RPS6KC1: variants seen among roughly 807,000 people sequenced by gnomAD.
The protein encoded by RPS6KC1 is ribosomal protein S6 kinase C1.
Under a neutral mutation model 103.8 loss-of-function variants are expected in RPS6KC1, and 54 were observed. The observed-to-expected ratio is 0.52, with a 90% confidence interval of 0.42 to 0.65. The LOEUF (loss-of-function observed/expected upper bound fraction) is 0.65. Ranked by LOEUF, RPS6KC1 falls within the 30% of genes least tolerant of loss-of-function variation. The pLI, the probability that RPS6KC1 is intolerant of heterozygous loss-of-function variation, is 0.00. For synonymous variants in RPS6KC1, 439 were observed against 438.7 expected (o/e 1.00, Z -0.01); for missense variants, 1,151 against 1,253.8 (o/e 0.92, Z 1.24).
At chr1:213,411,742 G>A in the RPS6KC1 span, among the ~76,000 whole-genome samples, 15 of 152,148 alleles carry the variant, frequency 9.9e-5, no homozygotes, top group Admixed American at 2.0e-4. Context: ...TCCTGGGGGC[G>A]CTGGGTAATT....
At chr1:213,597,062 T>G in the RPS6KC1 span, among the ~76,000 whole-genome samples, 16 of 152,324 alleles carry the variant, frequency 1.1e-4, no homozygotes, top group Middle Eastern at 0.01. Flanking sequence ...CCAAGGAGGA[T>G]GGCATACATA....
the RPS6KC1 span, among the ~76,000 whole-genome samples, chr1:213,357,442 G>GA: frequency 6.6e-6 from 1 of 152,190 alleles, no homozygotes; most frequent in African/African-American, 2.4e-5. Context: ...ATTGGAGCTG[G>GA]CTTCTGTGGA....
At chr1:213,511,504 G>T in the RPS6KC1 span, among the ~76,000 whole-genome samples, 1 of 152,320 alleles carries the variant, frequency 6.6e-6, no homozygotes, top group South Asian at 2.1e-4. Flanking sequence ...GTGGGGAGAT[G>T]CTAATGTAGG....
intron 12 of RPS6KC1, among the ~76,000 whole-genome samples, chr1:213,250,559 T>G (rs1232931027): frequency 6.6e-6 from 1 of 152,210 alleles, no homozygotes; most frequent in East Asian, 1.9e-4. Context: ...TAGTCTATCA[T>G]GTAAGAATGA....
the RPS6KC1 span, among the ~76,000 whole-genome samples, chr1:213,765,570 G>T: frequency 2.6e-5 from 4 of 152,166 alleles, no homozygotes; most frequent in Non-Finnish European, 4.4e-5. Context: ...CTGGCCCCCA[G>T]TACAGCTCTG....
chr1:213,400,711 C>CT, the RPS6KC1 span, among the ~76,000 whole-genome samples: 3,256 of 145,528 alleles, frequency 0.022, 109 homozygotes, highest in African/African-American at 0.075. Flanking sequence ...TTCTTTCTCT[C>CT]TTTTTTTTTT....
intron 11 of RPS6KC1, 60 bp from the exon 12 acceptor site, chr1:213,242,509 C>G: frequency 7.4e-7 from 1 of 1,356,994 alleles, no homozygotes; most frequent in Non-Finnish European, 1.0e-6. Context: ...AATTACAGTT[C>G]ACTTCTGCAG....
chr1:213,266,074 C>T (rs983296191), intron 14 of RPS6KC1, among the ~76,000 whole-genome samples: 10 of 152,084 alleles, frequency 6.6e-5, no homozygotes, highest in Admixed American at 4.6e-4. Flanking sequence ...TGATAAGTGT[C>T]GTGTATATCT....
the RPS6KC1 span, among the ~76,000 whole-genome samples, chr1:213,323,207 A>G: frequency 2.0e-5 from 3 of 150,888 alleles, no homozygotes; most frequent in Non-Finnish European, 4.4e-5. Flanking sequence ...TACTAGACCC[A>G]CCCCATAATC....
At chr1:213,526,065 T>C in the RPS6KC1 span, among the ~76,000 whole-genome samples, 1 of 152,000 alleles carries the variant, frequency 6.6e-6, no homozygotes, top group Non-Finnish European at 1.5e-5. Flanking sequence ...CTGGCAAAAA[T>C]AGTCCAGTAG....
chr1:213,615,497 A>C, the RPS6KC1 span, among the ~76,000 whole-genome samples: 1 of 152,260 alleles, frequency 6.6e-6, no homozygotes. Context: ...CCTCTGCCCG[A>C]CATGCCTTCA....
chr1:213,852,540 G>A, the RPS6KC1 span, among the ~76,000 whole-genome samples: 2 of 151,894 alleles, frequency 1.3e-5, no homozygotes, highest in Admixed American at 1.3e-4. Flanking sequence ...CTTTTTAATC[G>A]ACAGATCTGT....
chr1:213,635,969 C>A, the RPS6KC1 span, among the ~76,000 whole-genome samples: 1 of 152,100 alleles, frequency 6.6e-6, no homozygotes, highest in Non-Finnish European at 1.5e-5. Context: ...TCCTATACAC[C>A]AATAACAGAC....
At chr1:213,410,968 G>A in the RPS6KC1 span, among the ~76,000 whole-genome samples, 4 of 152,220 alleles carry the variant, frequency 2.6e-5, no homozygotes, top group South Asian at 8.3e-4. Context: ...ATGGTCAAGG[G>A]ATATGAGGCT....
At chr1:213,707,266 T>C in the RPS6KC1 span, among the ~76,000 whole-genome samples, 3 of 152,064 alleles carry the variant, frequency 2.0e-5, no homozygotes, top group South Asian at 2.1e-4. Context: ...AGGTATCTCA[T>C]TGTGGTTTTG....
chr1:213,115,390 G>A (rs1169409738), intron 4 of RPS6KC1, among the ~76,000 whole-genome samples: 6 of 151,924 alleles, frequency 3.9e-5, no homozygotes, highest in African/African-American at 1.2e-4. Context: ...CTGTGGGATC[G>A]GTGGTGATAT....
chr1:213,601,056 C>T, the RPS6KC1 span, among the ~76,000 whole-genome samples: 1 of 152,164 alleles, frequency 6.6e-6, no homozygotes, highest in South Asian at 2.1e-4. Flanking sequence ...AATAAATGAT[C>T]CTCATTCCTG....
At chr1:213,379,551 C>T in the RPS6KC1 span, among the ~76,000 whole-genome samples, 8 of 152,182 alleles carry the variant, frequency 5.3e-5, no homozygotes, top group Non-Finnish European at 1.2e-4. Flanking sequence ...CATGGACTTC[C>T]AGCCTCCAGA....
chr1:213,259,487 C>T (rs1379818635), intron 12 of RPS6KC1, among the ~76,000 whole-genome samples: 2 of 152,090 alleles, frequency 1.3e-5, no homozygotes, highest in Non-Finnish European at 2.9e-5. Flanking sequence ...TGCTTCAGCC[C>T]CAGAGGTGAA....
Sources: allele counts gnomAD v4.1 joint callset (sites outside exome capture counted in the v4.1 genomes callset), GRCh38; gene constraint gnomAD v4.1.1; transcripts MANE v1.5; gene names NCBI Gene and HGNC (gene_info 2026-07-23, HGNC 2026-07-21).